LNPK: variants seen among roughly 807,000 people sequenced by gnomAD.
LNPK encodes the protein endoplasmic reticulum junction formation protein lunapark.
LNPK carries 29 observed loss-of-function variants against 55.2 expected under a neutral mutation model. That is an observed-to-expected ratio of 0.53 (90% CI 0.39 to 0.72). LNPK has a LOEUF of 0.72. LNPK is among the 30% of genes least tolerant of loss of function. The pLI is 0.00. For synonymous variants in LNPK, 162 were observed against 168.2 expected (o/e 0.96, Z 0.29); for missense variants, 467 against 494.8 (o/e 0.94, Z 0.53).
intron 8 of LNPK, among the ~76,000 whole-genome samples, chr2:175,949,185 T>G (rs1393671713): frequency 2.6e-5 from 4 of 152,138 alleles, no homozygotes; most frequent in African/African-American, 4.8e-5. Flanking sequence ...TATCATTATA[T>G]AAATGGAACC....
intron 12 of LNPK, among the ~76,000 whole-genome samples, chr2:175,931,258 A>G (rs1313607063): frequency 1.3e-5 from 2 of 152,310 alleles, no homozygotes; most frequent in Non-Finnish European, 2.9e-5. Context: ...TTACTGATTC[A>G]AAAACTCTGG....
chr2:175,961,641 A>G (rs1686035298), intron 8 of LNPK, among the ~76,000 whole-genome samples: 1 of 152,236 alleles, frequency 6.6e-6, no homozygotes, highest in African/African-American at 2.4e-5. Context: ...GAAAACTGGC[A>G]CAAGGCAGGG....
At chr2:175,960,562 G>A (rs369056825) in intron 8 of LNPK, among the ~76,000 whole-genome samples, 6 of 152,178 alleles carry the variant, frequency 3.9e-5, no homozygotes, top group South Asian at 2.1e-4. Context: ...TTAAAGCAGC[G>A]TGTAGAGGGA....
chr2:175,958,255 T>G (rs1685799097), intron 8 of LNPK, among the ~76,000 whole-genome samples: 1 of 152,194 alleles, frequency 6.6e-6, no homozygotes, highest in Non-Finnish European at 1.5e-5. Flanking sequence ...ACAGACTGCC[T>G]CCTCAAGTGG....
At position 175,992,390 on chromosome 2, in the gene LNPK, T is replaced by G; in HGVS notation, c.98A>C (p.Glu33Ala). 6.6e-7 allele frequency: 1 copy of G among 1,508,624 alleles called. No homozygotes were observed. Among genetic ancestry groups the G allele is most frequent in the Non-Finnish European group, 8.8e-7 (1 of 1,135,140 alleles). The allele number at this position is 1,508,624 out of a possible 1,614,324, so 93.5% of individuals were successfully genotyped here. The change falls in exon 4 of 13, where the codon GAA becomes GCA. Residue 33 changes from glutamate to alanine, a missense_variant. Physicochemically the swap from Glu to Ala is moderately radical, Grantham distance 107 (BLOSUM62 -1). Transcript: ENST00000272748. ...TAATTTTTGTAATCTCTGATTTTTT[T>G]CCCTAAATTCTTCCAATGCTTGAAT... is the stretch of plus-strand genomic sequence containing the variant. The part of the protein sequence containing the change: ...KEIQALEEFR[E>A]KNQRLQKLWV...
chr2:175,941,821 A>G (rs1684859974), intron 9 of LNPK, among the ~76,000 whole-genome samples: 1 of 147,318 alleles, frequency 6.8e-6, no homozygotes, highest in East Asian at 2.0e-4. Flanking sequence ...AAAGAAAAAG[A>G]AGAGAGAGAG....
intron 8 of LNPK, among the ~76,000 whole-genome samples, chr2:175,954,521 A>T (rs1009830158): frequency 1.5e-4 from 23 of 152,216 alleles, no homozygotes; most frequent in African/African-American, 5.1e-4. Context: ...TTTTCTATTA[A>T]TAATAATATA....
In LNPK at chr2:175,925,846, T is replaced by G. The variant is rs1326490458; in HGVS notation, c.*4121A>C. The G allele has an allele frequency of 1.3e-5, 2 of 152,180 alleles. No homozygotes were observed. Among genetic ancestry groups the G allele is most frequent in the Non-Finnish European group, 2.9e-5 (2 of 68,128 alleles). The allele number at this position is 152,180 out of a possible 1,614,324, so 9.4% of individuals were successfully genotyped here. ...CGCCTGGCTAATTTTGTATTTTTAG[T>G]AGAGATAGTGTTTCTCCACGTTGGT... is the stretch of plus-strand genomic sequence containing the variant. On this transcript the variant is annotated 3_prime_UTR_variant, in exon 13 of 13. Transcript: ENST00000272748.
At position 175,925,055 on chromosome 2, in the gene LNPK, A is replaced by T. The variant is rs1683948151; in HGVS notation, c.*4912T>A. The T allele has an allele frequency of 6.6e-6, 1 of 152,312 alleles. No homozygotes were observed. The allele number at this position is 152,312 out of a possible 1,614,324, so 9.4% of individuals were successfully genotyped here. On this transcript the variant is annotated 3_prime_UTR_variant, in exon 13 of 13. Transcript: ENST00000272748. Reference sequence around the variant, plus strand: ...GATTTGCAGGGGTCAAACAAACCACATATAGCACCATTTCTAAGTCATTTA... The same window carrying T: ...GATTTGCAGGGGTCAAACAAACCACTTATAGCACCATTTCTAAGTCATTTA...
intron 9 of LNPK, among the ~76,000 whole-genome samples, chr2:175,942,286 T>C (rs1330650927): frequency 6.6e-6 from 1 of 152,208 alleles, no homozygotes; most frequent in Non-Finnish European, 1.5e-5. Context: ...TATGTATAGA[T>C]TATATGCAAA....
Position 175,937,806 on chromosome 2 carries a change from G to T in LNPK, c.884-292C>A, listed in dbSNP as rs943592192. The T allele has an allele frequency of 1.8e-5, 4 of 224,366 alleles. No homozygotes were observed. In the Admixed American group the frequency reaches 2.2e-4, roughly 12 times the overall value. 13.9% of individuals were successfully genotyped at this position (224,366 alleles called of 1,614,324 possible). A position where few individuals can be genotyped will look rare whatever the true frequency, so the allele number is the denominator to read the frequency against. ...AGGTTGACAGCAGAATAATATTAAT[G>T]ATTTAAATGAATTAGTGAGATTACA... On this transcript the variant is annotated intron_variant, in intron 11 of 12. Transcript: ENST00000272748.
intron 6 of LNPK, among the ~76,000 whole-genome samples, chr2:175,970,026 C>T (rs984043822): frequency 6.6e-6 from 1 of 152,036 alleles, no homozygotes; most frequent in South Asian, 2.1e-4. Context: ...ATCATTTGTA[C>T]CTGATTAAAT....
intron 6 of LNPK, among the ~76,000 whole-genome samples, chr2:175,966,038 C>A (rs1388577256): frequency 6.6e-6 from 1 of 152,110 alleles, no homozygotes; most frequent in Non-Finnish European, 1.5e-5. Context: ...GTTGCTTGTG[C>A]AACTGGGGAA....
At chr2:175,945,714 C>T (rs1221214615) in intron 9 of LNPK, among the ~76,000 whole-genome samples, 1 of 152,150 alleles carries the variant, frequency 6.6e-6, no homozygotes, top group African/African-American at 2.4e-5. Flanking sequence ...TTTACTTCTA[C>T]ATATTTAAAG....
chr2:175,984,507 A>C (rs1574889131), intron 4 of LNPK, among the ~76,000 whole-genome samples: 1 of 152,152 alleles, frequency 6.6e-6, no homozygotes, highest in African/African-American at 2.4e-5. Flanking sequence ...AAGAACTCTC[A>C]AAATTCAACA....
At chr2:175,963,891 C>T (rs916318844) in intron 8 of LNPK, among the ~76,000 whole-genome samples, 4 of 151,678 alleles carry the variant, frequency 2.6e-5, no homozygotes, top group Non-Finnish European at 5.9e-5. Flanking sequence ...GTAATACAAG[C>T]TCAAAAATAG....
rs1219327054 is a variant in LNPK at position 175,947,493 on chromosome 2, T to C, written c.693A>G (p.Ser231=). 1 of 1,613,222 alleles carries C rather than the reference T, an allele frequency of 6.2e-7. No homozygotes were observed. The highest frequency in any genetic ancestry group is 8.5e-7 in the Non-Finnish European group (1 of 1,179,676). The change falls in exon 9 of 13, where the codon TCA becomes TCG. Residue 231 remains serine, a synonymous_variant. Coordinates refer to ENST00000272748, the MANE Select transcript of LNPK (RefSeq NM_030650.3). ...TGCTCTGTTTACCCATTCCAGGCACTGAAGTAGCAGGGGATCCAAGATGTC... is the reference window on the plus strand; with the variant it reads ...TGCTCTGTTTACCCATTCCAGGCACCGAAGTAGCAGGGGATCCAAGATGTC... The part of the protein sequence containing the change: ...LPRHLGSPAT[S]VPGMGLHPPG...
intron 4 of LNPK, among the ~76,000 whole-genome samples, chr2:175,984,755 TA>T (rs1409369851): frequency 3.3e-5 from 5 of 152,128 alleles, no homozygotes; most frequent in Non-Finnish European, 7.4e-5. Context: ...CACTCACACC[TA>T]CCTAGTGGAA....
At chr2:175,932,119 CAT>C (rs1286181089) in intron 12 of LNPK, 3 of 451,792 alleles carry the variant, frequency 6.6e-6, no homozygotes, top group East Asian at 7.0e-5. Context: ...AACAGGCCCA[CAT>C]AGTTTGTCAT....
Sources: gnomAD v4.1 joint callset for allele counts (sites outside exome capture counted in the v4.1 genomes callset) on GRCh38, gnomAD v4.1.1 for gene constraint, MANE v1.5 for transcripts, NCBI Gene and HGNC (gene_info 2026-07-23, HGNC 2026-07-21) for gene names.